Variants in PDZD2 observed in about 807,000 individuals in gnomAD.
PDZD2 encodes the protein PDZ domain-containing protein 2.
In PDZD2, 90 loss-of-function variants were observed where a neutral mutation model predicts 220.7. The ratio of observed to expected loss-of-function variants is 0.41; its 90% CI spans 0.34 to 0.49. PDZD2 has a LOEUF of 0.49. Among genes scored for constraint, PDZD2 ranks in the 20% least tolerant of loss-of-function variants. PDZD2 has a pLI of 0.28. For missense variants in PDZD2, 3,174 were observed against 3,608.5 expected (o/e 0.88, Z 3.08); for synonymous variants, 1,375 against 1,450.5 (o/e 0.95, Z 1.18).
At chr5:31,777,503 T>A (rs1018897343) in intron 1 of PDZD2, among the ~76,000 whole-genome samples, 1 of 152,194 alleles carries the variant, frequency 6.6e-6, no homozygotes, top group Non-Finnish European at 1.5e-5. Context: ...GGGGTGCAGG[T>A]GCGTGGCATG....
rs1178455240 is a variant in PDZD2 at position 32,089,341 on chromosome 5, G to C, written c.5893G>C (p.Ala1965Pro). The change falls in exon 20 of 25, where the codon GCC (alanine) becomes CCC (proline). Residue 1965 changes from alanine to proline, a missense_variant. Physicochemically the swap from Ala to Pro is conservative, Grantham distance 27 (BLOSUM62 -1). This residue lies in a region of PDZD2 where 1,861 missense variants were observed against 2,001.0 expected (regional missense o/e 0.93). Transcript: ENST00000438447. ...QCVLESKPPL[A>P]TSGPLKPSVS... is the part of the protein sequence containing the mutation. ...TGTGCTGGAAAGCAAGCCACCTCTTGCCACCTCTGGGCCACTGAAACCCTC... is the reference window on the plus strand; with the variant it reads ...TGTGCTGGAAAGCAAGCCACCTCTTCCCACCTCTGGGCCACTGAAACCCTC... 1.9e-6 allele frequency: 3 copies of C among 1,614,150 alleles called. No individual in the cohort carries two copies. The highest frequency in any genetic ancestry group is 2.5e-6 in the Non-Finnish European group (3 of 1,180,038).
chr5:32,001,464 A>G (rs1297066051), intron 5 of PDZD2, among the ~76,000 whole-genome samples: 1 of 151,544 alleles, frequency 6.6e-6, no homozygotes, highest in Non-Finnish European at 1.5e-5. Context: ...TTCCGTGGCC[A>G]CTACCGTCTT....
chr5:31,867,971 C>A (rs1738383212), intron 2 of PDZD2, among the ~76,000 whole-genome samples: 1 of 152,020 alleles, frequency 6.6e-6, no homozygotes, highest in East Asian at 1.9e-4. Flanking sequence ...AGGATTTGTG[C>A]TGGGAGTTTT....
At chr5:32,026,730 A>G (rs907251601) in intron 6 of PDZD2, among the ~76,000 whole-genome samples, 3 of 152,138 alleles carry the variant, frequency 2.0e-5, no homozygotes, top group African/African-American at 7.2e-5. Flanking sequence ...TCCAGACCCC[A>G]TAGTTTTCTC....
At position 31,729,891 on chromosome 5, in the gene PDZD2, G is replaced by A. The variant is rs144677759; in HGVS notation, c.-360-68998G>A. Among the ~76,000 whole-genome samples, 34 of 152,202 alleles carry A rather than the reference G, an allele frequency of 2.2e-4. No homozygotes were observed. In the East Asian group the frequency reaches 5.4e-3, roughly 24 times the overall value. ...CACCCAGGCTGGAGGGCAGTGGTGC[G>A]ATCTCGGCTAACTGCAACCTCTGTC... On this transcript the variant is annotated intron_variant, in intron 1 of 24. Coordinates refer to ENST00000438447, the MANE Select transcript of PDZD2 (RefSeq NM_178140.4).
chr5:31,918,622 C>G (rs541870267), intron 2 of PDZD2, among the ~76,000 whole-genome samples: 1 of 152,092 alleles, frequency 6.6e-6, no homozygotes, highest in African/African-American at 2.4e-5. Context: ...TTAGGGTAGC[C>G]TTAATCATTA....
In PDZD2 at chr5:32,095,819, C is replaced by T. The variant is rs528499486; in HGVS notation, c.7846-1460C>T. On this transcript the variant is annotated intron_variant, in intron 21 of 24. Coordinates refer to ENST00000438447, the MANE Select transcript of PDZD2 (RefSeq NM_178140.4). ...GCAGTGGCGTGATCTCGGCTCACTG[C>T]AAGCTCCACCTCCTGGGTTCACGCC... 1.4e-4 allele frequency among the ~76,000 whole-genome samples: 21 copies of T among 150,612 alleles called. 1 individual carries two copies. The South Asian group carries it at 4.4e-3, about 32-fold the overall frequency.
rs751306288 is a variant in PDZD2 at position 32,074,305 on chromosome 5, A to G, written c.3199A>G (p.Lys1067Glu). Residue 1067 changes from lysine to glutamate, a missense_variant, in exon 18 of 25, where the codon AAG (lysine) becomes GAG (glutamate). By Grantham distance (56) the Lys-to-Glu change is moderately conservative. Coordinates refer to ENST00000438447, the MANE Select transcript of PDZD2 (RefSeq NM_178140.4). ...CCTCACGGACTCTGCAGAGGCCCCCAAGGGGAGCCCTGGAAGCTGGTGGAA... is the reference window on the plus strand; with the variant it reads ...CCTCACGGACTCTGCAGAGGCCCCCGAGGGGAGCCCTGGAAGCTGGTGGAA... ...ANLTDSAEAP[K>E]GSPGSWWKKE... is the part of the protein sequence containing the mutation. 6.2e-7 allele frequency: 1 copy of G among 1,613,988 alleles called. No homozygotes were observed. The highest frequency in any genetic ancestry group is 8.5e-7 in the Non-Finnish European group (1 of 1,180,024).
chr5:32,008,766 G>A (rs1215315474), intron 5 of PDZD2, among the ~76,000 whole-genome samples: 1 of 152,196 alleles, frequency 6.6e-6, no homozygotes, highest in Non-Finnish European at 1.5e-5. Flanking sequence ...ACTGCAAGGG[G>A]ATGAAAGCAG....
chr5:31,984,363 G>T (rs1750543587), intron 3 of PDZD2, among the ~76,000 whole-genome samples: 1 of 152,112 alleles, frequency 6.6e-6, no homozygotes, highest in South Asian at 2.1e-4. Flanking sequence ...CCAACATTCT[G>T]TCCTATGAGA....
intron 1 of PDZD2, among the ~76,000 whole-genome samples, chr5:31,716,530 C>T (rs141115565): frequency 0.012 from 1,813 of 152,252 alleles, 42 homozygotes; most frequent in African/African-American, 0.041. Context: ...AGGCCAGGCG[C>T]GGTGGTTCAC....
At chr5:32,072,378 C>A in intron 17 of PDZD2, 61 bp downstream of exon 17, 2 of 1,308,224 alleles carry the variant, frequency 1.5e-6, no homozygotes, top group South Asian at 1.4e-5. Context: ...GACTGGTTTC[C>A]ACCTCTGTGC....
At chr5:32,106,895 G>GTAAC (rs1170961415) in intron 24 of PDZD2, among the ~76,000 whole-genome samples, 2 of 152,206 alleles carry the variant, frequency 1.3e-5, no homozygotes, top group Non-Finnish European at 2.9e-5. Flanking sequence ...CTCTTCTAAT[G>GTAAC]TAACTAACTG....
At chr5:31,971,531 A>T (rs1414217226) in intron 2 of PDZD2, among the ~76,000 whole-genome samples, 6 of 152,200 alleles carry the variant, frequency 3.9e-5, no homozygotes, top group Admixed American at 3.9e-4. Flanking sequence ...TCGACTCCTC[A>T]CATCCCATAT....
At chr5:31,967,927 T>C (rs770157590) in intron 2 of PDZD2, among the ~76,000 whole-genome samples, 1 of 152,104 alleles carries the variant, frequency 6.6e-6, no homozygotes, top group Non-Finnish European at 1.5e-5. Flanking sequence ...CACAAATACA[T>C]AGAGAAAGTA....
chr5:31,667,094 G>C (rs1746020385), intron 1 of PDZD2, among the ~76,000 whole-genome samples: 1 of 152,006 alleles, frequency 6.6e-6, no homozygotes, highest in South Asian at 2.1e-4. Flanking sequence ...AAACTAGCTG[G>C]GCGTGGTGGT....
At chr5:31,818,639 C>T (rs1755621355) in intron 2 of PDZD2, among the ~76,000 whole-genome samples, 1 of 152,174 alleles carries the variant, frequency 6.6e-6, no homozygotes, top group Non-Finnish European at 1.5e-5. Context: ...CTCTCTGTGG[C>T]TCGTTCTTCT....
intron 2 of PDZD2, among the ~76,000 whole-genome samples, chr5:31,904,148 C>A: frequency 6.6e-6 from 1 of 151,746 alleles, no homozygotes. Context: ...AAGTCTTTAT[C>A]ATGAGATTTA....
intron 1 of PDZD2, among the ~76,000 whole-genome samples, chr5:31,741,521 A>C (rs946211475): frequency 6.6e-6 from 1 of 152,142 alleles, no homozygotes; most frequent in African/African-American, 2.4e-5. Flanking sequence ...ACTCTAGTAA[A>C]ATACAAGTAA....
Sources: allele counts gnomAD v4.1 joint callset (sites outside exome capture counted in the v4.1 genomes callset), GRCh38; gene constraint gnomAD v4.1.1; regional missense constraint gnomAD v4.1.1; transcripts MANE v1.5; gene names NCBI Gene and HGNC (gene_info 2026-07-23, HGNC 2026-07-21).